FGD4: variants seen among roughly 807,000 people sequenced by gnomAD.
The protein encoded by FGD4 is FYVE, RhoGEF and PH domain-containing protein 4.
In FGD4, 42 loss-of-function variants were observed where a neutral mutation model predicts 102.0. That is an observed-to-expected ratio of 0.41 (90% confidence interval 0.32 to 0.53). FGD4 has a LOEUF of 0.53. Among genes scored for constraint, FGD4 ranks in the 20% least tolerant of loss-of-function variants. The pLI is 0.21. For missense variants in FGD4, 902 were observed against 1,078.2 expected, an observed-to-expected ratio of 0.84 and a Z score of 2.29; for synonymous variants, 380 against 375.7, an observed-to-expected ratio of 1.01 and a Z score of -0.13.
At chr12:32,524,549 T>C (rs1194630889) in intron 1 of FGD4, among the ~76,000 whole-genome samples, 1 of 144,094 alleles carries the variant, frequency 6.9e-6, no homozygotes, top group East Asian at 2.1e-4. Flanking sequence ...GAAAAAAATA[T>C]GTGGCAGGCT....
intron 4 of FGD4, among the ~76,000 whole-genome samples, chr12:32,587,833 T>A (rs979810903): frequency 1.3e-5 from 2 of 152,228 alleles, no homozygotes; most frequent in African/African-American, 4.8e-5. Context: ...ATACTAAGTT[T>A]ATGGTTCCTG....
chr12:32,564,707 A>T (rs918674987), intron 2 of FGD4, among the ~76,000 whole-genome samples: 22 of 152,240 alleles, frequency 1.4e-4, no homozygotes, highest in Non-Finnish European at 2.5e-4. Context: ...GTGACTTGAA[A>T]ATATTAAGGA....
At chr12:32,604,075 T>A (rs961480182) in intron 7 of FGD4, among the ~76,000 whole-genome samples, 3 of 152,204 alleles carry the variant, frequency 2.0e-5, no homozygotes, top group Admixed American at 6.5e-5. Flanking sequence ...AGCCATTGAT[T>A]GTATTGATAC....
At chr12:32,516,631 G>A in intron 1 of FGD4, among the ~76,000 whole-genome samples, 1 of 152,202 alleles carries the variant, frequency 6.6e-6, no homozygotes. Flanking sequence ...AAATGATGAA[G>A]CAGTCTGTTG....
chr12:32,447,055 A>G (rs1405981498), intron 1 of FGD4, among the ~76,000 whole-genome samples: 2 of 152,198 alleles, frequency 1.3e-5, no homozygotes, highest in African/African-American at 4.8e-5. Context: ...TTGAGTCCCT[A>G]TATACACACA....
At chr12:32,527,957 CTTTTTT>C (rs1941426555) in intron 1 of FGD4, among the ~76,000 whole-genome samples, 1 of 151,528 alleles carries the variant, frequency 6.6e-6, no homozygotes, top group African/African-American at 2.4e-5. Flanking sequence ...TTTCCTTTTT[CTTTTTT>C]CTTTTTCTTT....
At chr12:32,453,721 T>C (rs1292490424) in intron 1 of FGD4, among the ~76,000 whole-genome samples, 1 of 152,182 alleles carries the variant, frequency 6.6e-6, no homozygotes, top group African/African-American at 2.4e-5. Context: ...ATAATTATTA[T>C]CATACTTTAT....
intron 1 of FGD4, among the ~76,000 whole-genome samples, chr12:32,489,652 C>T (rs1294956945): frequency 6.6e-6 from 1 of 152,142 alleles, no homozygotes; most frequent in Non-Finnish European, 1.5e-5. Context: ...TCTGCGAACT[C>T]CTTGTATAAC....
At chr12:32,453,226 GATA>G (rs1565749191) in intron 1 of FGD4, among the ~76,000 whole-genome samples, 1 of 58,544 alleles carries the variant, frequency 1.7e-5, no homozygotes, top group East Asian at 5.1e-4. Context: ...ATATAATATA[GATA>G]TATATATATT....
intron 1 of FGD4, among the ~76,000 whole-genome samples, chr12:32,458,326 A>T (rs1943002226): frequency 6.6e-6 from 1 of 151,872 alleles, no homozygotes; most frequent in Non-Finnish European, 1.5e-5. Flanking sequence ...GTACGCCACC[A>T]TGCTCATTTT....
intron 10 of FGD4, 34 bp from the exon 11 acceptor site, chr12:32,619,664 T>G: frequency 6.2e-7 from 1 of 1,613,004 alleles, no homozygotes; most frequent in South Asian, 1.1e-5. Context: ...CCCTATTTCT[T>G]TTCTTTACTG....
intron 14 of FGD4, among the ~76,000 whole-genome samples, chr12:32,630,781 A>C (rs1396637205): frequency 1.3e-5 from 2 of 150,080 alleles, no homozygotes; most frequent in East Asian, 2.0e-4. Context: ...GCGCCACTGC[A>C]CTCCAGCCTG....
At chr12:32,404,344 A>G (rs903949026) in intron 1 of FGD4, among the ~76,000 whole-genome samples, 1 of 151,924 alleles carries the variant, frequency 6.6e-6, no homozygotes, top group Non-Finnish European at 1.5e-5. Flanking sequence ...TAGAGTACTA[A>G]TTTCATCTCT....
Position 32,480,856 on chromosome 12 carries a change from T to C in FGD4, c.166+80897T>C, listed in dbSNP as rs189101290. On this transcript the variant is annotated intron_variant, in intron 1 of 16. Coordinates refer to ENST00000534526, the MANE Select transcript of FGD4 (RefSeq NM_001370298.3). ...TCTTGCTCTATTGCCCAGGCTGGAG[T>C]GTTGTGGCACCATTATGGCTCACTA... Among the ~76,000 whole-genome samples the C allele has an allele frequency of 3.8e-4, 56 of 149,016 alleles. No individual in the cohort carries two copies. In the Middle Eastern group the frequency reaches 0.014, roughly 37 times the overall value.
intron 4 of FGD4, among the ~76,000 whole-genome samples, chr12:32,594,479 C>T (rs2389102): frequency 0.42 from 64,072 of 151,942 alleles, 15,034 homozygotes; most frequent in African/African-American, 0.63. Flanking sequence ...TACTTCCTTA[C>T]ATATTACAAT....
At chr12:32,583,590 AT>A (rs1033434187) in intron 4 of FGD4, among the ~76,000 whole-genome samples, 1 of 152,210 alleles carries the variant, frequency 6.6e-6, no homozygotes, top group African/African-American at 2.4e-5. Context: ...AGAACTGGAC[AT>A]TTCTGTCCTT....
chr12:32,453,244 T>A (rs1317539309), intron 1 of FGD4, among the ~76,000 whole-genome samples: 8 of 117,744 alleles, frequency 6.8e-5, no homozygotes, highest in Admixed American at 9.1e-5. Flanking sequence ...TATATTTTTT[T>A]TTTTTTAAAT....
chr12:32,541,406 T>C (rs960804242), intron 1 of FGD4, among the ~76,000 whole-genome samples: 9 of 152,194 alleles, frequency 5.9e-5, no homozygotes, highest in Admixed American at 5.2e-4. Context: ...CTCACTCTGT[T>C]GCCAGGCTGG....
chr12:32,477,452 T>C (rs1943610605), intron 1 of FGD4: 1 of 152,416 alleles, frequency 6.6e-6, no homozygotes, highest in South Asian at 2.1e-4. Flanking sequence ...TTTTAGTATA[T>C]GTGCTGCCAA....
Sources: gnomAD v4.1 joint callset for allele counts (sites outside exome capture counted in the v4.1 genomes callset) on GRCh38, gnomAD v4.1.1 for gene constraint, MANE v1.5 for transcripts, NCBI Gene and HGNC (gene_info 2026-07-23, HGNC 2026-07-21) for gene names.